SNX11: variants seen among roughly 807,000 people sequenced by gnomAD.
The protein encoded by SNX11 is sorting nexin 11, also known as sorting nexin-11.
A neutral mutation model predicts 30.7 loss-of-function variants in SNX11; 19 were observed. That is an observed-to-expected ratio of 0.62 (90% confidence interval 0.43 to 0.91). The LOEUF (loss-of-function observed/expected upper bound fraction) is 0.91. SNX11 is among the 40% of genes least tolerant of loss of function. The pLI is 0.00. For synonymous variants in SNX11, 112 were observed against 119.0 expected (o/e 0.94, Z 0.38); for missense variants, 302 against 326.7 (o/e 0.92, Z 0.58).
intron 3 of SNX11, 51 bp from the exon 4 acceptor site, chr17:48,113,250 G>A: frequency 1.4e-6 from 2 of 1,454,796 alleles, no homozygotes; most frequent in Non-Finnish European, 1.9e-6. Flanking sequence ...ATGTGAACTT[G>A]TCTATTTCCA....
At chr17:48,115,783 G>C (rs544492935) in intron 4 of SNX11, among the ~76,000 whole-genome samples, 1 of 152,236 alleles carries the variant, frequency 6.6e-6, no homozygotes, top group South Asian at 2.1e-4. Context: ...GGTGATAGGT[G>C]GCCTGTTGAG....
rs1275178416 is a variant in SNX11 at position 48,112,680 on chromosome 17, G to A, written c.129+20G>A. 4.5e-6 allele frequency: 7 copies of A among 1,541,192 alleles called. No individual in the cohort carries two copies. The highest frequency in any genetic ancestry group is 4.5e-5 in the East Asian group (2 of 44,034). Reference sequence around the variant, plus strand: ...CTCCATGTGAGTACATCAAGCTTCTGTATTGGGGTCAGCGCTCTGCAGGGC... The same window carrying A: ...CTCCATGTGAGTACATCAAGCTTCTATATTGGGGTCAGCGCTCTGCAGGGC... On this transcript the variant is annotated intron_variant, in intron 3 of 6. Coordinates refer to ENST00000359238, the MANE Select transcript of SNX11 (RefSeq NM_013323.3).
intron 1 of SNX11, chr17:48,110,998 C>T (rs906989491): frequency 5.5e-6 from 4 of 732,264 alleles, no homozygotes; most frequent in African/African-American, 1.9e-5. Context: ...TGAACTGCCA[C>T]ATTGGGGAAA....
chr17:48,119,064 C>A lies in SNX11; in HGVS notation c.417C>A (p.Val139=). 1 of 1,614,094 alleles carries A rather than the reference C, an allele frequency of 6.2e-7. No individual in the cohort carries two copies. The highest frequency in any genetic ancestry group is 8.5e-7 in the Non-Finnish European group (1 of 1,180,006). The change falls in exon 6 of 7, where the codon GTC becomes GTA. Residue 139 remains valine, a synonymous_variant. Coordinates refer to ENST00000359238, the MANE Select transcript of SNX11 (RefSeq NM_013323.3). The stretch of plus-strand genomic sequence containing the variant: ...CGGTGCCTGAGATAGAAGCCTGTGT[C>A]CAGGGCCGAAGTACCATGACTGTGT... ...QLSVPEIEAC[V]QGRSTMTVSD...
chr17:48,116,557 G>A (rs2063547584), intron 4 of SNX11, among the ~76,000 whole-genome samples: 1 of 151,238 alleles, frequency 6.6e-6, no homozygotes, highest in Admixed American at 6.6e-5. Context: ...TTGATGGTGG[G>A]TGTGGATTTC....
At chr17:48,120,191 G>T (rs2063584037) in intron 6 of SNX11, among the ~76,000 whole-genome samples, 3 of 129,892 alleles carry the variant, frequency 2.3e-5, no homozygotes, top group African/African-American at 5.8e-5. Context: ...CCATTCACTT[G>T]CATTTATCTG....
chr17:48,118,909 G>A lies in SNX11; in HGVS notation c.327-65G>A. The stretch of plus-strand genomic sequence containing the variant: ...TCAGGTAGCCAGAAGTTCTTAAGAG[G>A]ATGGGGAATGGAGAGCAGTTCCTCA... On this transcript the variant is annotated intron_variant, in intron 5 of 6. Coordinates refer to ENST00000359238, the MANE Select transcript of SNX11 (RefSeq NM_013323.3). The A allele has an allele frequency of 3.2e-6, 5 of 1,574,384 alleles. No homozygotes were observed. In the South Asian group the frequency reaches 3.3e-5, roughly 10 times the overall value.
intron 6 of SNX11, 86 bp downstream of exon 6, chr17:48,119,272 G>A: frequency 9.6e-7 from 1 of 1,042,536 alleles, no homozygotes; most frequent in Non-Finnish European, 1.5e-6. Flanking sequence ...GGAAAGTAAT[G>A]TCATAGCATT....
At chr17:48,108,696 G>T (rs955511960) in intron 1 of SNX11, among the ~76,000 whole-genome samples, 1 of 152,216 alleles carries the variant, frequency 6.6e-6, no homozygotes, top group Non-Finnish European at 1.5e-5. Flanking sequence ...CCCAGAAAAT[G>T]TAGTTAACAC....
In SNX11 at chr17:48,118,727, A is replaced by C. The variant is rs772251592; in HGVS notation, c.254A>C (p.Lys85Thr). 1 of 1,614,070 alleles carries C rather than the reference A, an allele frequency of 6.2e-7. No individual in the cohort carries two copies. Among genetic ancestry groups the C allele is most frequent in the Non-Finnish European group, 8.5e-7 (1 of 1,179,948 alleles). ...GLVPVPELPG[K>T]STFFGTSDEF... Reference sequence around the variant, plus strand: ...AGGCCTGTTCCTGAACTTCCTGGGAAGTCAACCTTCTTCGGCACCTCAGAT... The same window carrying C: ...AGGCCTGTTCCTGAACTTCCTGGGACGTCAACCTTCTTCGGCACCTCAGAT... Residue 85 changes from lysine to threonine, a missense_variant, in exon 5 of 7, where the codon AAG becomes ACG. Transcript: ENST00000359238.
chr17:48,118,807 G>A lies in SNX11; in HGVS notation c.326+8G>A. ...GCAGCACTTCCTTGAAAAGTGAGTGGACAGAACGGCTGGTGCTGGCCACCA... is the reference window on the plus strand; with the variant it reads ...GCAGCACTTCCTTGAAAAGTGAGTGAACAGAACGGCTGGTGCTGGCCACCA... On this transcript the variant is annotated splice_region_variant and intron_variant, in intron 5 of 6. Transcript: ENST00000359238. The A allele has an allele frequency of 1.2e-6, 2 of 1,611,930 alleles. No homozygotes were observed. Among genetic ancestry groups the A allele is most frequent in the Non-Finnish European group, 1.7e-6 (2 of 1,178,108 alleles).
chr17:48,113,432 T>C, intron 4 of SNX11, 31 bp downstream of exon 4: 1 of 1,538,498 alleles, frequency 6.5e-7, no homozygotes, highest in Non-Finnish European at 9.0e-7. Context: ...TTCTTGGGTC[T>C]GTGACTGGCT....
chr17:48,112,016 T>C lies in SNX11; in HGVS notation c.-13-15T>C. 1 of 1,604,632 alleles carries C rather than the reference T, an allele frequency of 6.2e-7. No individual in the cohort carries two copies. Among genetic ancestry groups the C allele is most frequent in the Non-Finnish European group, 8.5e-7 (1 of 1,171,328 alleles). On this transcript the variant is annotated splice_polypyrimidine_tract_variant and intron_variant, in intron 1 of 6. Transcript: ENST00000359238. ...GCATACTAACCTTGATCCTGTATCC[T>C]CTGTCCCTCATCAGATGTTTCCTTC...
chr17:48,119,337 G>C (rs939403570), intron 6 of SNX11, 151 bp downstream of exon 6: 4 of 657,772 alleles, frequency 6.1e-6, no homozygotes, highest in Non-Finnish European at 7.9e-6. Context: ...CTATCCAGGT[G>C]GGTCTGTGTT....
intron 1 of SNX11, among the ~76,000 whole-genome samples, chr17:48,108,440 G>A (rs540475443): frequency 2.0e-5 from 3 of 152,354 alleles, no homozygotes; most frequent in Middle Eastern, 3.4e-3. Flanking sequence ...GATTGAGTAA[G>A]AAGGGACGGT....
intron 4 of SNX11, among the ~76,000 whole-genome samples, chr17:48,117,508 C>T (rs1266850654): frequency 5.3e-5 from 8 of 151,338 alleles, no homozygotes; most frequent in East Asian, 1.9e-4. Context: ...CCACCCACCT[C>T]GGCCTCCCAA....
At position 48,119,028 on chromosome 17, in the gene SNX11, A is replaced by T; in HGVS notation, c.381A>T (p.Gln127His). 1 of 1,613,948 alleles carries T rather than the reference A, an allele frequency of 6.2e-7. No individual in the cohort carries two copies. Among genetic ancestry groups the T allele is most frequent in the Non-Finnish European group, 8.5e-7 (1 of 1,179,976 alleles). Residue 127 changes from glutamine (Q) to histidine (H), a missense_variant, in exon 6 of 7, where the codon CAA (glutamine) becomes CAT (histidine). Coordinates refer to ENST00000359238, the MANE Select transcript of SNX11 (RefSeq NM_013323.3). ...LSDSQLHLFL[Q>H]SQLSVPEIEA... Reference sequence around the variant, plus strand: ...ACAGCCAGTTGCACCTATTCCTGCAAAGCCAGCTCTCGGTGCCTGAGATAG... The same window carrying T: ...ACAGCCAGTTGCACCTATTCCTGCATAGCCAGCTCTCGGTGCCTGAGATAG...
At chr17:48,112,507 A>C in intron 2 of SNX11, 67 bp from the exon 3 acceptor site, 1 of 1,017,222 alleles carries the variant, frequency 9.8e-7, no homozygotes, top group South Asian at 1.4e-5. Flanking sequence ...GGAAAAATCT[A>C]GCGACCTGTG....
At chr17:48,120,507 C>CTTTTTT (rs71141968) in intron 6 of SNX11, among the ~76,000 whole-genome samples, 4 of 69,536 alleles carry the variant, frequency 5.8e-5, no homozygotes, top group East Asian at 4.8e-4. Context: ...CGCACCTGGC[C>CTTTTTT]TTTTTTTTTT....
Sources: gnomAD v4.1 joint callset for allele counts (sites outside exome capture counted in the v4.1 genomes callset) on GRCh38, gnomAD v4.1.1 for gene constraint, MANE v1.5 for transcripts, NCBI Gene and HGNC (gene_info 2026-07-23, HGNC 2026-07-21) for gene names.